The following TMEM225B variants were observed in gnomAD, a reference collection of about 807,000 sequenced individuals.
The protein encoded by TMEM225B is transmembrane protein 225-like.
A neutral mutation model predicts 16.9 loss-of-function variants in TMEM225B; 10 were observed. The ratio of observed to expected loss-of-function variants is 0.59; its 90% CI spans 0.36 to 1.00. The LOEUF (loss-of-function observed/expected upper bound fraction) is 1.00. Among genes scored for constraint, TMEM225B ranks in the 50% least tolerant of loss-of-function variants. The pLI, the probability that TMEM225B is intolerant of heterozygous loss-of-function variation, is 0.01. For missense variants in TMEM225B, 217 were observed against 267.0 expected, an observed-to-expected ratio of 0.81 and a Z score of 1.30; for synonymous variants, 92 against 109.8, an observed-to-expected ratio of 0.84 and a Z score of 1.01.
rs989399757 is a variant in TMEM225B at position 99,607,760 on chromosome 7, T to C, written c.443T>C (p.Leu148Pro). 8 of 1,536,008 alleles carry C rather than the reference T, an allele frequency of 5.2e-6. No homozygotes were observed. Among genetic ancestry groups the C allele is most frequent in the Non-Finnish European group, 7.0e-6 (8 of 1,146,898 alleles). The stretch of plus-strand genomic sequence containing the variant: ...CTCGGCCCCCTGCAGTTCTCCGTGC[T>C]GTGGCCTTACTACGTGCTGGGCTTC... ...MKLGPLQFSVLWPYYVLGFGI... is the reference protein window; with the variant it reads ...MKLGPLQFSVPWPYYVLGFGI... Residue 148 changes from leucine to proline, a missense_variant, in exon 5 of 6, where the codon CTG becomes CCG. Physicochemically the swap from Leu to Pro is moderately conservative, Grantham distance 98. Transcript: ENST00000431679.
rs1806267217 is a variant in TMEM225B, at chr7:99,610,625, T to C, written c.*60T>C. 1 of 1,464,130 alleles carries C rather than the reference T, an allele frequency of 6.8e-7. No individual in the cohort carries two copies. Among genetic ancestry groups the C allele is most frequent in the Non-Finnish European group, 9.2e-7 (1 of 1,086,396 alleles). The allele number at this position is 1,464,130 out of a possible 1,614,324, so 90.7% of individuals were successfully genotyped here. ...ATGTGAGTGTACACATGTAGCTGTT[T>C]GTAGTCCTCCCCACCCTCTCTGCCA... On this transcript the variant is annotated 3_prime_UTR_variant, in exon 6 of 6. Coordinates refer to ENST00000431679, the MANE Select transcript of TMEM225B (RefSeq NM_001195541.3).
At chr7:99,602,646 TGAGAC>T (rs1275372219) in intron 2 of TMEM225B, among the ~76,000 whole-genome samples, 1 of 152,190 alleles carries the variant, frequency 6.6e-6, no homozygotes, top group Non-Finnish European at 1.5e-5. Context: ...GTGATGAAGC[TGAGAC>T]AAGACCAGCC....
At chr7:99,603,708 A>G (rs1805546808) in intron 2 of TMEM225B, among the ~76,000 whole-genome samples, 1 of 151,396 alleles carries the variant, frequency 6.6e-6, no homozygotes, top group Non-Finnish European at 1.5e-5. Flanking sequence ...AAAAAAAAAA[A>G]GAATTGAAAG....
intron 3 of TMEM225B, 58 bp from the exon 4 acceptor site, chr7:99,606,690 C>A: frequency 6.6e-7 from 1 of 1,512,264 alleles, no homozygotes; most frequent in Non-Finnish European, 8.9e-7. Flanking sequence ...CTCTGAGGGA[C>A]TCTGACCTTT....
intron 3 of TMEM225B, among the ~76,000 whole-genome samples, chr7:99,605,745 G>A (rs959993544): frequency 5.3e-5 from 8 of 152,046 alleles, no homozygotes; most frequent in South Asian, 2.1e-4. Context: ...GTGCCCCACC[G>A]TGCCCAACTT....
intron 5 of TMEM225B, among the ~76,000 whole-genome samples, chr7:99,608,263 A>T (rs75031238): frequency 6.6e-6 from 1 of 152,114 alleles, no homozygotes; most frequent in Non-Finnish European, 1.5e-5. Flanking sequence ...TCTAAAATAA[A>T]ATAAAAAGTT....
At position 99,598,300 on chromosome 7, in the gene TMEM225B, G is replaced by A. The variant is rs1229269513; in HGVS notation, c.-166G>A. On this transcript the variant is annotated 5_prime_UTR_variant, in exon 1 of 6. It adds an upstream start codon to the 5' untranslated region. Coordinates refer to ENST00000431679, the MANE Select transcript of TMEM225B (RefSeq NM_001195541.3). ...CTCCAGGAGCGCGGTGGAGCCTGGA[G>A]TGGAGGGCGAGGGTCCCACCGTGAC... 3 of 152,326 alleles carry A rather than the reference G, an allele frequency of 2.0e-5. No individual in the cohort carries two copies. Among genetic ancestry groups the A allele is most frequent in the Non-Finnish European group, 4.4e-5 (3 of 68,130 alleles). 9.4% of individuals were successfully genotyped at this position (152,326 alleles called of 1,614,324 possible). A position where few individuals can be genotyped will look rare whatever the true frequency, so the allele number is the denominator to read the frequency against.
In TMEM225B at chr7:99,604,526, C is replaced by T. The variant is rs1352983682; in HGVS notation, c.138C>T (p.His46=). 29 of 1,536,118 alleles carry T rather than the reference C, an allele frequency of 1.9e-5. No individual in the cohort carries two copies. Among genetic ancestry groups the T allele is most frequent in the South Asian group, 1.3e-4 (11 of 84,062 alleles). ...TGCGACTGACAAACGAGGAGTCCCA[C>T]GAAGTCTTTTTCAGTGGCCTATTTG... is the stretch of plus-strand genomic sequence containing the variant. ...FWVRLTNEES[H]EVFFSGLFEN... is the part of the protein sequence containing the mutation. The change falls in exon 3 of 6, where the codon CAC becomes CAT. Residue 46 remains histidine (H), a synonymous_variant. Coordinates refer to ENST00000431679, the MANE Select transcript of TMEM225B (RefSeq NM_001195541.3).
intron 5 of TMEM225B, among the ~76,000 whole-genome samples, chr7:99,609,730 G>A (rs190036328): frequency 1.3e-5 from 2 of 149,810 alleles, no homozygotes; most frequent in Non-Finnish European, 3.0e-5. Context: ...CACCGCGCCC[G>A]GCCACTTGTT....
In TMEM225B at chr7:99,606,766, G is replaced by A. The variant is rs1045002897; in HGVS notation, c.227G>A (p.Arg76Gln). 23 of 1,535,886 alleles carry A rather than the reference G, an allele frequency of 1.5e-5. No homozygotes were observed. Among genetic ancestry groups the A allele is most frequent in the East Asian group, 4.9e-5 (2 of 40,902 alleles). The change falls in exon 4 of 6, where the codon CGG becomes CAG. Residue 76 changes from arginine to glutamine, a missense_variant. Coordinates refer to ENST00000431679, the MANE Select transcript of TMEM225B (RefSeq NM_001195541.3). ...RPLSIYIILG[R>Q]VFLLSAVFLA... ...CCTGCAGTTTACATCATCCTCGGCC[G>A]GGTTTTCCTGCTCTCTGCAGTTTTC...
intron 2 of TMEM225B, among the ~76,000 whole-genome samples, chr7:99,603,264 T>G (rs533083039): frequency 6.6e-6 from 1 of 152,298 alleles, no homozygotes; most frequent in East Asian, 1.9e-4. Context: ...GGCCAGTCAC[T>G]GAATAAGGGC....
chr7:99,606,716 C>T (rs1346899756), intron 3 of TMEM225B, 32 bp from the exon 4 acceptor site: 1 of 1,533,622 alleles, frequency 6.5e-7, no homozygotes, highest in East Asian at 2.4e-5. Context: ...TCAGGGTTCC[C>T]AGCTTCAGCC....
At chr7:99,603,981 C>T (rs1426969136) in intron 2 of TMEM225B, among the ~76,000 whole-genome samples, 3 of 152,024 alleles carry the variant, frequency 2.0e-5, no homozygotes, top group African/African-American at 7.2e-5. Context: ...TCTTGAACTT[C>T]TGGACTCAAG....
At chr7:99,598,549 A>G (rs899480495) in intron 1 of TMEM225B, among the ~76,000 whole-genome samples, 168 bp downstream of exon 1, 33 of 152,188 alleles carry the variant, frequency 2.2e-4, no homozygotes, top group African/African-American at 7.7e-4. Flanking sequence ...GTTAGGGCCC[A>G]GCTTGGGGTC....
intron 5 of TMEM225B, among the ~76,000 whole-genome samples, chr7:99,608,858 T>TATATATATATACACACAC (rs536627768): frequency 4.4e-4 from 63 of 144,430 alleles, no homozygotes; most frequent in African/African-American, 1.7e-3. Flanking sequence ...TATATATATA[T>TATATATATATACACACAC]ACACACACAC....
chr7:99,606,186 T>C (rs1323266692), intron 3 of TMEM225B, among the ~76,000 whole-genome samples: 1 of 152,184 alleles, frequency 6.6e-6, no homozygotes, highest in Admixed American at 6.5e-5. Context: ...TCCCAGCGCG[T>C]TGAGAGGCCA....
intron 5 of TMEM225B, among the ~76,000 whole-genome samples, chr7:99,610,179 G>A (rs189766030): frequency 2.6e-5 from 4 of 152,092 alleles, no homozygotes; most frequent in African/African-American, 9.6e-5. Context: ...TGATTGCTGA[G>A]ATGTCTTCTA....
chr7:99,608,765 ATATT>A (rs1473017183), intron 5 of TMEM225B, among the ~76,000 whole-genome samples: 1 of 146,356 alleles, frequency 6.8e-6, no homozygotes, highest in Non-Finnish European at 1.5e-5. Context: ...ACACACACAC[ATATT>A]TATATATGCA....
Position 99,606,741 on chromosome 7 carries a change from C to T in TMEM225B, c.209-7C>T, listed in dbSNP as rs1440058505. 6.5e-7 allele frequency: 1 copy of T among 1,535,906 alleles called. No individual in the cohort carries two copies. Reference sequence around the variant, plus strand: ...CAGCTTCAGCCCCACTTCTCCCTCCCCTGCAGTTTACATCATCCTCGGCCG... The same window carrying T: ...CAGCTTCAGCCCCACTTCTCCCTCCTCTGCAGTTTACATCATCCTCGGCCG... On this transcript the variant is annotated splice_polypyrimidine_tract_variant and splice_region_variant and intron_variant, in intron 3 of 5. Coordinates refer to ENST00000431679, the MANE Select transcript of TMEM225B (RefSeq NM_001195541.3).
Sources: gnomAD v4.1 joint callset for allele counts (sites outside exome capture counted in the v4.1 genomes callset) on GRCh38, gnomAD v4.1.1 for gene constraint, MANE v1.5 for transcripts, NCBI Gene and HGNC (gene_info 2026-07-23, HGNC 2026-07-21) for gene names.